ZNF418: variants seen among roughly 807,000 people sequenced by gnomAD.
ZNF418 encodes the protein zinc finger protein 418.
ZNF418 carries 32 observed loss-of-function variants against 32.0 expected under a neutral mutation model. The ratio of observed to expected loss-of-function variants is 1.00; its 90% CI spans 0.75 to 1.34. ZNF418 has a LOEUF of 1.34. ZNF418 is among the 40% of genes most tolerant of loss of function. ZNF418 has a pLI of 0.00. For synonymous variants in ZNF418, 276 were observed against 270.7 expected (o/e 1.02, Z -0.19); for missense variants, 804 against 812.5 (o/e 0.99, Z 0.13).
At chr19:57,928,607 CT>C (rs1160860866) in intron 3 of ZNF418, among the ~76,000 whole-genome samples, 1 of 152,106 alleles carries the variant, frequency 6.6e-6, no homozygotes. Flanking sequence ...GGGAAATTAT[CT>C]GATGACATGT....
chr19:57,933,939 C>A (rs763420864), intron 1 of ZNF418, 37 bp from the exon 2 acceptor site: 84 of 1,605,460 alleles, frequency 5.2e-5, no homozygotes, highest in Non-Finnish European at 7.0e-5. Flanking sequence ...ATCACCTCCT[C>A]GCCGCCCTCT....
intron 3 of ZNF418, 68 bp from the exon 4 acceptor site, chr19:57,928,115 G>C: frequency 1.5e-6 from 2 of 1,343,162 alleles, no homozygotes; most frequent in Non-Finnish European, 2.0e-6. Flanking sequence ...ACCCACAAGC[G>C]TGTCTGACAA....
At position 57,926,625 on chromosome 19, in the gene ZNF418, AAT is replaced by A. The variant is rs759371951; in HGVS notation, c.1554_1555del (p.Phe519SerfsTer20). 1.2e-6 allele frequency: 2 copies of A among 1,613,978 alleles called. No individual in the cohort carries two copies. Among genetic ancestry groups the A allele is most frequent in the African/African-American group, 2.7e-5 (2 of 74,894 alleles). ...TCGAAGGAGGGAACAGCTTTGAGGA[AAT>A]GACTTCCCACATTCACTACACTCAA... On this transcript the variant is annotated frameshift_variant, in exon 4 of 6. Coordinates refer to ENST00000396147, the MANE Select transcript of ZNF418 (RefSeq NM_133460.3). LOFTEE classifies it low-confidence loss of function (END_TRUNC).
chr19:57,935,322 C>T lies in ZNF418; in HGVS notation c.-242G>A. On this transcript the variant is annotated 5_prime_UTR_variant, in exon 1 of 6. Transcript: ENST00000396147. Reference sequence around the variant, plus strand: ...ACACCGCGGTTCGGACCCATAGCTCCAGCGCCTCTCACCTCACAAACCGCA... The same window carrying T: ...ACACCGCGGTTCGGACCCATAGCTCTAGCGCCTCTCACCTCACAAACCGCA... The T allele has an allele frequency of 1.2e-6, 1 of 802,812 alleles. No individual in the cohort carries two copies. The highest frequency in any genetic ancestry group is 3.8e-5 in the South Asian group (1 of 26,434). The allele number at this position is 802,812 out of a possible 1,614,324, so 49.7% of individuals were successfully genotyped here. A position where few individuals can be genotyped will look rare whatever the true frequency, so the allele number is the denominator to read the frequency against.
chr19:57,929,664 CTAAT>C (rs1439828624), intron 3 of ZNF418, among the ~76,000 whole-genome samples: 1 of 151,574 alleles, frequency 6.6e-6, no homozygotes, highest in African/African-American at 2.4e-5. Flanking sequence ...GGAAAGGAAA[CTAAT>C]TACTAAAAAC....
intron 3 of ZNF418, among the ~76,000 whole-genome samples, chr19:57,929,752 A>C (rs2072405221): frequency 6.6e-6 from 1 of 150,802 alleles, no homozygotes. Context: ...GTGCGATCTC[A>C]GCTCACTGCA....
In ZNF418 at chr19:57,922,540, C is replaced by T. The variant is rs778503983; in HGVS notation, c.*715G>A. On this transcript the variant is annotated 3_prime_UTR_variant, in exon 6 of 6. Coordinates refer to ENST00000396147, the MANE Select transcript of ZNF418 (RefSeq NM_133460.3). ...GAGAACATGCAGATCATAATCAGTT[C>T]ATATTTATAATCTTGGGCTGGAGGC... is the stretch of plus-strand genomic sequence containing the variant. The T allele has an allele frequency of 2.5e-6, 1 of 398,298 alleles. No individual in the cohort carries two copies. The highest frequency in any genetic ancestry group is 2.1e-5 in the African/African-American group (1 of 48,536). The allele number at this position is 398,298 out of a possible 1,614,324, so 24.7% of individuals were successfully genotyped here. A position where few individuals can be genotyped will look rare whatever the true frequency, so the allele number is the denominator to read the frequency against.
intron 2 of ZNF418, among the ~76,000 whole-genome samples, chr19:57,930,911 G>T (rs1458124918): frequency 6.6e-6 from 1 of 152,032 alleles, no homozygotes; most frequent in Non-Finnish European, 1.5e-5. Flanking sequence ...CGAGTAGCTG[G>T]GATTACAGGC....
chr19:57,927,646 C>T lies in ZNF418; in HGVS notation c.535G>A (p.Ala179Thr). 1 of 1,613,920 alleles carries T rather than the reference C, an allele frequency of 6.2e-7. No individual in the cohort carries two copies. The highest frequency in any genetic ancestry group is 2.2e-5 in the East Asian group (1 of 44,878). ...LPSSGLLLQE[A>T]THTGEKSNSK... ...TTTGACTTCTCCCCAGTGTGAGTGG[C>T]CTCCTGCAGCAGTAATCCTGAGCTG... Residue 179 changes from alanine (A) to threonine (T), a missense_variant, in exon 4 of 6, where the codon GCC (alanine) becomes ACC (threonine). Transcript: ENST00000396147.
intron 3 of ZNF418, among the ~76,000 whole-genome samples, chr19:57,928,767 G>A (rs1325707973): frequency 1.3e-5 from 2 of 152,078 alleles, no homozygotes; most frequent in African/African-American, 4.8e-5. Flanking sequence ...GCCAAGGTGG[G>A]TGGATCACGA....
intron 3 of ZNF418, among the ~76,000 whole-genome samples, chr19:57,928,407 G>A (rs1017883247): frequency 6.6e-6 from 1 of 152,052 alleles, no homozygotes; most frequent in Non-Finnish European, 1.5e-5. Flanking sequence ...ACAGTAGCTG[G>A]GACCACAGGC....
chr19:57,931,040 G>A (rs1424295081), intron 2 of ZNF418, among the ~76,000 whole-genome samples: 1 of 152,044 alleles, frequency 6.6e-6, no homozygotes, highest in Non-Finnish European at 1.5e-5. Flanking sequence ...CTCCCAAAGT[G>A]TTGGGATTAT....
At chr19:57,933,057 C>G (rs544443884) in intron 2 of ZNF418, among the ~76,000 whole-genome samples, 1 of 152,266 alleles carries the variant, frequency 6.6e-6, no homozygotes, top group South Asian at 2.1e-4. Context: ...CTTCCTGGCC[C>G]CCACAAAAGA....
chr19:57,933,759 G>C, intron 2 of ZNF418, 58 bp downstream of exon 2: 1 of 1,601,794 alleles, frequency 6.2e-7, no homozygotes, highest in Non-Finnish European at 8.5e-7. Context: ...TTTACAAACT[G>C]TGAATCTTGA....
At position 57,935,180 on chromosome 19, in the gene ZNF418, G is replaced by GC. The variant is rs567266923; in HGVS notation, c.-101dup. On this transcript the variant is annotated 5_prime_UTR_variant, in exon 1 of 6. The change creates a premature stop within an existing upstream ORF in the 5' untranslated region. Coordinates refer to ENST00000396147, the MANE Select transcript of ZNF418 (RefSeq NM_133460.3). ...AATTACCTGAGCCGGGAGCCTCAGC[G>GC]CGGCCGCCGCCATCCCGAGTACGCG... is the stretch of plus-strand genomic sequence containing the variant. The GC allele has an allele frequency of 1.5e-5, 19 of 1,308,988 alleles. No individual in the cohort carries two copies. In the African/African-American group the frequency reaches 2.6e-4, roughly 18 times the overall value. The allele number at this position is 1,308,988 out of a possible 1,614,324, so 81.1% of individuals were successfully genotyped here. A position where few individuals can be genotyped will look rare whatever the true frequency, so the allele number is the denominator to read the frequency against.
Position 57,922,600 on chromosome 19 carries a change from G to C in ZNF418, c.*655C>G, listed in dbSNP as rs2072034130. 2.5e-6 allele frequency: 1 copy of C among 398,520 alleles called. No individual in the cohort carries two copies. The highest frequency in any genetic ancestry group is 2.1e-5 in the African/African-American group (1 of 48,720). The allele number at this position is 398,520 out of a possible 1,614,324, so 24.7% of individuals were successfully genotyped here. On this transcript the variant is annotated 3_prime_UTR_variant, in exon 6 of 6. Transcript: ENST00000396147. ...CAGTTTACCAAATATGAAAAGGTGA[G>C]GTGGGCAAAGGGAAATGCCCTTGAG...
chr19:57,924,313 C>T (rs1285901758), intron 4 of ZNF418, among the ~76,000 whole-genome samples: 2 of 152,150 alleles, frequency 1.3e-5, no homozygotes, highest in Admixed American at 1.3e-4. Flanking sequence ...TGGTTGGTCA[C>T]AAAGACCACA....
At chr19:57,932,673 AAAAT>A (rs1455341355) in intron 2 of ZNF418, 1 of 1,381,896 alleles carries the variant, frequency 7.2e-7, no homozygotes, top group Admixed American at 3.1e-5. Flanking sequence ...ACAAAAGAAA[AAAAT>A]AAATAAAATC....
In ZNF418 at chr19:57,927,068, C is replaced by G. The variant is rs1304381399; in HGVS notation, c.1113G>C (p.Glu371Asp). The stretch of plus-strand genomic sequence containing the variant: ...TAAAACATTTTCCACATTCTTCACA[C>G]TCATAAGGTCTTTCACTAGTGTGAC... ...QRGHTSERPY[E>D]CEECGKCFSQ... Residue 371 changes from glutamate (E) to aspartate (D), a missense_variant, in exon 4 of 6, where the codon GAG becomes GAC. Glu to Asp is a conservative substitution (Grantham distance 45, BLOSUM62 2). This residue lies in a region of ZNF418 where 475 missense variants were observed against 458.6 expected (regional missense o/e 1.04). Coordinates refer to ENST00000396147, the MANE Select transcript of ZNF418 (RefSeq NM_133460.3). The G allele has an allele frequency of 1.9e-6, 3 of 1,613,974 alleles. No individual in the cohort carries two copies. The highest frequency in any genetic ancestry group is 2.2e-5 in the East Asian group (1 of 44,848).
Sources: allele counts gnomAD v4.1 joint callset (sites outside exome capture counted in the v4.1 genomes callset), GRCh38; gene constraint gnomAD v4.1.1; regional missense constraint gnomAD v4.1.1; transcripts MANE v1.5; gene names NCBI Gene and HGNC (gene_info 2026-07-23, HGNC 2026-07-21).